Variants in ZMYND8 observed in about 807,000 individuals in gnomAD.
ZMYND8 encodes zinc finger MYND-type containing 8.
A neutral mutation model predicts 140.8 loss-of-function variants in ZMYND8; 37 were observed. The ratio of observed to expected loss-of-function variants is 0.26; its 90% CI spans 0.20 to 0.35. The LOEUF (loss-of-function observed/expected upper bound fraction) is 0.35. Among genes scored for constraint, ZMYND8 ranks in the 10% least tolerant of loss-of-function variants. The pLI is 1.00. For missense variants in ZMYND8, 1,068 were observed against 1,570.0 expected, an observed-to-expected ratio of 0.68 and a Z score of 5.40; for synonymous variants, 592 against 597.1, an observed-to-expected ratio of 0.99 and a Z score of 0.12.
chr20:47,251,846 G>A (rs1162032965), intron 12 of ZMYND8, among the ~76,000 whole-genome samples: 5 of 151,748 alleles, frequency 3.3e-5, no homozygotes, highest in Admixed American at 2.6e-4. Flanking sequence ...CGCACCATCT[G>A]GGAAGTGAGG....
At chr20:47,310,786 GAAAAAAAAAAA>G (rs1169707543) in intron 2 of ZMYND8, among the ~76,000 whole-genome samples, 1 of 76,838 alleles carries the variant, frequency 1.3e-5, no homozygotes, top group African/African-American at 4.7e-5. Flanking sequence ...CCTCCGACGT[GAAAAAAAAAAA>G]AAAAAAAAAA....
At chr20:47,261,993 C>T (rs937729113) in intron 12 of ZMYND8, among the ~76,000 whole-genome samples, 2 of 152,018 alleles carry the variant, frequency 1.3e-5, no homozygotes, top group Non-Finnish European at 2.9e-5. Context: ...ATCACTTCAA[C>T]CCAGGAGGCG....
chr20:47,306,388 A>C (rs970088778), intron 3 of ZMYND8, among the ~76,000 whole-genome samples: 29 of 152,054 alleles, frequency 1.9e-4, no homozygotes, highest in African/African-American at 6.5e-4. Context: ...ACTGCACTCC[A>C]GCCTGGGCAG....
intron 14 of ZMYND8, among the ~76,000 whole-genome samples, chr20:47,244,502 C>A (rs1256977735): frequency 1.3e-5 from 2 of 152,150 alleles, no homozygotes; most frequent in Non-Finnish European, 2.9e-5. Context: ...TGTTAACATG[C>A]CCAGGCTGCA....
In ZMYND8 at chr20:47,246,320, G is replaced by A. The variant is rs2040558208; in HGVS notation, c.1972C>T (p.Pro658Ser). ...TCTTTAATCTCCACTGGGTTTGTAG[G>A]CTTGGGCTTTTTTTTAACAGCAGAT... Reference protein sequence around the residue: ...EPSAVKKKPKPTNPVEIKEEL... With the variant: ...EPSAVKKKPKSTNPVEIKEEL... The change falls in exon 14 of 23, where the codon CCT becomes TCT. Residue 658 changes from proline to serine, a missense_variant. By Grantham distance (74) the Pro-to-Ser change is moderately conservative. Coordinates refer to ENST00000471951, the MANE Select transcript of ZMYND8 (RefSeq NM_001281775.3). 1 of 1,614,094 alleles carries A rather than the reference G, an allele frequency of 6.2e-7. No homozygotes were observed. The highest frequency in any genetic ancestry group is 1.3e-5 in the African/African-American group (1 of 75,008).
At chr20:47,340,878 A>C (rs187117773) in intron 2 of ZMYND8, among the ~76,000 whole-genome samples, 16 of 152,218 alleles carry the variant, frequency 1.1e-4, no homozygotes, top group African/African-American at 3.1e-4. Flanking sequence ...GTGAGGACAA[A>C]GGCTATAAAC....
At chr20:47,242,935 C>T (rs2040148179) in intron 14 of ZMYND8, among the ~76,000 whole-genome samples, 1 of 151,992 alleles carries the variant, frequency 6.6e-6, no homozygotes, top group Non-Finnish European at 1.5e-5. Context: ...GAGAAGCTGC[C>T]CTATCAAATT....
chr20:47,275,531 T>C (rs368565069), intron 11 of ZMYND8, among the ~76,000 whole-genome samples: 14 of 151,294 alleles, frequency 9.3e-5, no homozygotes, highest in African/African-American at 3.4e-4. Context: ...TATTAAAGGA[T>C]ATGACCTTTA....
chr20:47,277,400 T>C (rs1376943669), intron 10 of ZMYND8, among the ~76,000 whole-genome samples: 1 of 152,256 alleles, frequency 6.6e-6, no homozygotes, highest in African/African-American at 2.4e-5. Flanking sequence ...CATGACAGCA[T>C]GTTTTTGCAG....
intron 11 of ZMYND8, among the ~76,000 whole-genome samples, chr20:47,266,700 C>CTA (rs564046240): frequency 5.1e-4 from 77 of 152,318 alleles, no homozygotes; most frequent in African/African-American, 1.7e-3. Context: ...ACCTCCCCTA[C>CTA]TATCACCCTA....
chr20:47,288,730 C>T (rs2077074544), intron 7 of ZMYND8, among the ~76,000 whole-genome samples: 2 of 152,176 alleles, frequency 1.3e-5, no homozygotes, highest in South Asian at 2.1e-4. Context: ...CCTTTTTCCC[C>T]TCCTTGCACT....
intron 16 of ZMYND8, among the ~76,000 whole-genome samples, chr20:47,235,705 T>G (rs2039143487): frequency 7.6e-6 from 1 of 131,958 alleles, no homozygotes; most frequent in African/African-American, 3.2e-5. Flanking sequence ...AGACTCCATC[T>G]CAAAAAAAAA....
chr20:47,353,573 C>T (rs1033524351), intron 1 of ZMYND8: 2 of 152,192 alleles, frequency 1.3e-5, no homozygotes, highest in African/African-American at 4.8e-5. Context: ...ACGTGAATGC[C>T]ACTTAATTTC....
rs1458294556 is a variant in ZMYND8 at position 47,302,728 on chromosome 20, G to A, written c.235-3781C>T. On this transcript the variant is annotated intron_variant, in intron 3 of 22. Coordinates refer to ENST00000471951, the MANE Select transcript of ZMYND8 (RefSeq NM_001281775.3). The stretch of plus-strand genomic sequence containing the variant: ...TTCCCTATAGCCCTCATAAGACAAC[G>A]TTGAATCCAGGAGAGTGTGTGTTGA... 3.3e-5 allele frequency among the ~76,000 whole-genome samples: 5 copies of A among 152,118 alleles called. 1 individual carries two copies. Among genetic ancestry groups the A allele is most frequent in the Admixed American group, 2.0e-4 (3 of 15,262 alleles).
At chr20:47,250,319 G>A (rs2074068331) in intron 12 of ZMYND8, among the ~76,000 whole-genome samples, 3 of 152,178 alleles carry the variant, frequency 2.0e-5, no homozygotes, top group Admixed American at 2.0e-4. Context: ...CAAAGGTCCA[G>A]AAAGCAACAA....
intron 3 of ZMYND8, among the ~76,000 whole-genome samples, chr20:47,304,693 C>G (rs529733987): frequency 6.5e-4 from 99 of 152,312 alleles, no homozygotes; most frequent in African/African-American, 2.3e-3. Flanking sequence ...AGCATGAATA[C>G]TGTGAAGTAT....
chr20:47,248,797 G>A (rs1160730547), intron 13 of ZMYND8, among the ~76,000 whole-genome samples: 2 of 152,304 alleles, frequency 1.3e-5, no homozygotes, highest in African/African-American at 2.4e-5. Context: ...CAGCCTCACA[G>A]AAGGCAGGAT....
chr20:47,301,982 C>T (rs1377514713), intron 3 of ZMYND8, among the ~76,000 whole-genome samples: 6 of 123,542 alleles, frequency 4.9e-5, no homozygotes, highest in Non-Finnish European at 1.6e-5. Flanking sequence ...TTGCTCTGCA[C>T]TTCTCCTCGA....
At chr20:47,229,566 G>A (rs1254567358) in intron 17 of ZMYND8, among the ~76,000 whole-genome samples, 160 bp downstream of exon 17, 1 of 152,126 alleles carries the variant, frequency 6.6e-6, no homozygotes, top group Non-Finnish European at 1.5e-5. Context: ...TCTGGCTAAA[G>A]GAAAAAATAC....
Sources: allele counts gnomAD v4.1 joint callset (sites outside exome capture counted in the v4.1 genomes callset), GRCh38; gene constraint gnomAD v4.1.1; transcripts MANE v1.5; gene names NCBI Gene and HGNC (gene_info 2026-07-23, HGNC 2026-07-21).